The following DEDD2 variants were observed in gnomAD, a reference collection of about 807,000 sequenced individuals.
The protein encoded by DEDD2 is death effector domain containing 2.
A neutral mutation model predicts 28.9 loss-of-function variants in DEDD2; 18 were observed. That is an observed-to-expected ratio of 0.62 (90% CI 0.43 to 0.92). The LOEUF is 0.92. Ranked by LOEUF, DEDD2 falls within the 40% of genes least tolerant of loss-of-function variation. The probability of loss-of-function intolerance (pLI) is 0.00; values close to 1 mark genes in which losing one functional copy is unlikely to be tolerated. For missense variants in DEDD2, 411 were observed against 463.3 expected (o/e 0.89, Z 1.04); for synonymous variants, 211 against 206.1 (o/e 1.02, Z -0.20).
Position 42,199,921 on chromosome 19 carries a change from C to T in DEDD2, c.590-92G>A. On this transcript the variant is annotated intron_variant, in intron 4 of 4. Transcript: ENST00000596251. The surrounding 1 kb of genome is among the most constrained non-coding windows in gnomAD (Gnocchi z 7.4). ...CCTTCCTCCCTCCAGCCTTCTCCCT[C>T]CACCCCCTTCCGGTAGCCACACCCT... 6.8e-7 allele frequency: 1 copy of T among 1,466,024 alleles called. No homozygotes were observed. Among genetic ancestry groups the T allele is most frequent in the Non-Finnish European group, 9.1e-7 (1 of 1,103,792 alleles). The allele number at this position is 1,466,024 out of a possible 1,614,324, so 90.8% of individuals were successfully genotyped here.
chr19:42,217,017 AG>A lies in DEDD2; in HGVS notation c.-11del. ...ACCCGGATAGCGCCATTCCCGGGGG[AG>A]GGAGGCGGAACAAGCTCAGAACCCG... On this transcript the variant is annotated 5_prime_UTR_variant, in exon 2 of 5. Transcript: ENST00000596251. The A allele has an allele frequency of 6.4e-7, 1 of 1,568,070 alleles. No individual in the cohort carries two copies. The highest frequency in any genetic ancestry group is 8.6e-7 in the Non-Finnish European group (1 of 1,157,260).
intron 4 of DEDD2, among the ~76,000 whole-genome samples, chr19:42,208,129 C>A (rs558903046): frequency 7.9e-5 from 12 of 152,174 alleles, no homozygotes; most frequent in Non-Finnish European, 1.8e-4. Flanking sequence ...CATATCTGAT[C>A]CCTTCTGTGT....
intron 4 of DEDD2, among the ~76,000 whole-genome samples, chr19:42,200,138 C>G (rs2146846571): frequency 6.6e-6 from 1 of 152,306 alleles, no homozygotes; most frequent in East Asian, 1.9e-4. Flanking sequence ...GCCAACAAGG[C>G]CCACCTAGGC....
At chr19:42,214,822 G>C (rs1406012960) in intron 3 of DEDD2, among the ~76,000 whole-genome samples, 1 of 152,046 alleles carries the variant, frequency 6.6e-6, no homozygotes, top group Non-Finnish European at 1.5e-5. Flanking sequence ...AAGTTAATTG[G>C]GGCATGGCAA....
chr19:42,199,317 C>CG lies in DEDD2; in HGVS notation c.*120dup, dbSNP rs1329812103. 35 of 1,371,900 alleles carry CG rather than the reference C, an allele frequency of 2.6e-5. No homozygotes were observed. Among genetic ancestry groups the CG allele is most frequent in the Admixed American group, 1.4e-4 (5 of 34,814 alleles). The allele number at this position is 1,371,900 out of a possible 1,614,324, so 85.0% of individuals were successfully genotyped here. ...GGGGCTGTCAAGGGGCCTGCTGTCC[C>CG]GGTCCTGTCGCAGTCCTCAAAGATG... On this transcript the variant is annotated 3_prime_UTR_variant, in exon 5 of 5. Coordinates refer to ENST00000596251, the MANE Select transcript of DEDD2 (RefSeq NM_133328.4). The surrounding 1 kb of genome is among the most constrained non-coding windows in gnomAD (Gnocchi z 7.4).
chr19:42,200,713 G>A (rs2035298438), intron 4 of DEDD2, among the ~76,000 whole-genome samples: 1 of 152,208 alleles, frequency 6.6e-6, no homozygotes, highest in African/African-American at 2.4e-5. Context: ...AGATTCCTGA[G>A]GTCATCACAT....
chr19:42,218,183 G>T (rs1251414700), upstream of DEDD2, among the ~76,000 whole-genome samples: 1 of 152,058 alleles, frequency 6.6e-6, no homozygotes, highest in Non-Finnish European at 1.5e-5. Flanking sequence ...GACAACCAGG[G>T]ATCTACATCT....
chr19:42,216,533 G>A, intron 2 of DEDD2, 147 bp downstream of exon 2: 1 of 858,060 alleles, frequency 1.2e-6, no homozygotes, highest in South Asian at 1.9e-5. Context: ...CTCTTATGTT[G>A]CTCATTGATA....
chr19:42,202,403 A>T (rs1171327734), intron 4 of DEDD2, among the ~76,000 whole-genome samples: 1 of 152,146 alleles, frequency 6.6e-6, no homozygotes, highest in Non-Finnish European at 1.5e-5. Context: ...AACATTTGCC[A>T]AGGCTCAGCT....
chr19:42,210,625 C>T (rs2035719301), intron 3 of DEDD2, among the ~76,000 whole-genome samples: 1 of 152,070 alleles, frequency 6.6e-6, no homozygotes, highest in African/African-American at 2.4e-5. Context: ...AACTCCTGAC[C>T]TCAAGTGATC....
chr19:42,199,790 C>T lies in DEDD2; in HGVS notation c.629G>A (p.Gly210Glu). Reference protein sequence around the residue: ...LRVRAEYCEHGPALEQGVASR... With the variant: ...LRVRAEYCEHEPALEQGVASR... ...TGCCACGCCCTGCTCCAAGGCTGGC[C>T]CATGCTCGCAGTACTCTGCTCGAAC... Residue 210 changes from glycine (G) to glutamate (E), a missense_variant, in exon 5 of 5, where the codon GGG becomes GAG. Physicochemically the swap from Gly to Glu is moderately conservative, Grantham distance 98. This residue lies in a region of DEDD2 where 129 missense variants were observed against 189.9 expected (regional missense o/e 0.68). Coordinates refer to ENST00000596251, the MANE Select transcript of DEDD2 (RefSeq NM_133328.4). The surrounding 1 kb of genome is among the most constrained non-coding windows in gnomAD (Gnocchi z 7.4). The T allele has an allele frequency of 6.2e-7, 1 of 1,605,622 alleles. No individual in the cohort carries two copies. Among genetic ancestry groups the T allele is most frequent in the Non-Finnish European group, 8.5e-7 (1 of 1,175,972 alleles).
At chr19:42,217,942 G>A (rs1230523262), upstream of DEDD2, among the ~76,000 whole-genome samples, 1 of 151,394 alleles carries the variant, frequency 6.6e-6, no homozygotes, top group Non-Finnish European at 1.5e-5. Flanking sequence ...CTTCCTGCCC[G>A]TGACTCAAGC....
intron 4 of DEDD2, among the ~76,000 whole-genome samples, chr19:42,204,783 C>G (rs572318398): frequency 6.8e-6 from 1 of 146,208 alleles, no homozygotes; most frequent in Non-Finnish European, 1.5e-5. Flanking sequence ...CCAGGACCAG[C>G]ACCAGCCCCC....
In DEDD2 at chr19:42,217,672, C is replaced by G. The variant is rs560359834; in HGVS notation, c.-79G>C. On this transcript the variant is annotated 5_prime_UTR_variant, in exon 1 of 5. Transcript: ENST00000596251. ...GATGACTCCTGGGCGACGGCCGCAG[C>G]CACTTGTTTTGGATCTTTCTGGCAC... 1 of 152,756 alleles carries G rather than the reference C, an allele frequency of 6.5e-6. No individual in the cohort carries two copies. The highest frequency in any genetic ancestry group is 1.9e-4 in the East Asian group (1 of 5,192). 9.5% of individuals were successfully genotyped at this position (152,756 alleles called of 1,614,324 possible). A position where few individuals can be genotyped will look rare whatever the true frequency, so the allele number is the denominator to read the frequency against.
chr19:42,216,696 G>T lies in DEDD2; in HGVS notation c.312C>A (p.Arg104=). The change falls in exon 2 of 5, where the codon CGC becomes CGA. Residue 104 remains arginine, a synonymous_variant. Coordinates refer to ENST00000596251, the MANE Select transcript of DEDD2 (RefSeq NM_133328.4). ...ARHDLLPHLA[R]KRRRPVSPER... is the part of the protein sequence containing the mutation. ...CAACCGTACCTGGCCGGCGCCGCTTGCGCGCCAGGTGCGGCAGCAGGTCGT... is the reference window on the plus strand; with the variant it reads ...CAACCGTACCTGGCCGGCGCCGCTTTCGCGCCAGGTGCGGCAGCAGGTCGT... The T allele has an allele frequency of 6.3e-7, 1 of 1,580,306 alleles. No homozygotes were observed.
chr19:42,202,854 C>T (rs1482154240), intron 4 of DEDD2, among the ~76,000 whole-genome samples: 2 of 152,350 alleles, frequency 1.3e-5, no homozygotes, highest in East Asian at 3.9e-4. Flanking sequence ...GGAGGTGCCA[C>T]CAGGCAATAG....
intron 2 of DEDD2, among the ~76,000 whole-genome samples, chr19:42,216,241 G>A (rs1471881360): frequency 2.0e-5 from 3 of 152,188 alleles, no homozygotes; most frequent in Admixed American, 6.5e-5. Context: ...TAAACTTCAT[G>A]GAACAAACAC....
rs2036007007 is a variant in DEDD2, at chr19:42,217,062, G to C, written c.-38-17C>G. ...GAACCCGGCCTAGAACCCACACAGCGGGGAGGGGGCAGTGGTCAGCGACGC... is the reference window on the plus strand; with the variant it reads ...GAACCCGGCCTAGAACCCACACAGCCGGGAGGGGGCAGTGGTCAGCGACGC... On this transcript the variant is annotated splice_polypyrimidine_tract_variant and intron_variant, in intron 1 of 4. Coordinates refer to ENST00000596251, the MANE Select transcript of DEDD2 (RefSeq NM_133328.4). 5.9e-6 allele frequency: 9 copies of C among 1,514,206 alleles called. No individual in the cohort carries two copies. The highest frequency in any genetic ancestry group is 8.1e-6 in the Non-Finnish European group (9 of 1,115,894). 93.8% of individuals were successfully genotyped at this position (1,514,206 alleles called of 1,614,324 possible).
rs373769704 is a variant in DEDD2 at position 42,200,388 on chromosome 19, G to T, written c.590-559C>A. On this transcript the variant is annotated intron_variant, in intron 4 of 4. Transcript: ENST00000596251. ...CATAGTAGGTGTTCAATATGTATTT[G>T]TGAAGAACTAATGCATGAACTAATG... 2.6e-5 allele frequency among the ~76,000 whole-genome samples: 4 copies of T among 152,254 alleles called. No homozygotes were observed. In the East Asian group the frequency reaches 5.8e-4, roughly 22 times the overall value.
Sources: gnomAD v4.1 joint callset for allele counts (sites outside exome capture counted in the v4.1 genomes callset) on GRCh38, gnomAD v4.1.1 for gene constraint, gnomAD v4.1.1 regional missense constraint, Gnocchi (gnomAD v3.1) non-coding constraint, MANE v1.5 for transcripts, NCBI Gene and HGNC (gene_info 2026-07-23, HGNC 2026-07-21) for gene names.